PAIP2: variants seen among roughly 807,000 people sequenced by gnomAD.
The protein encoded by PAIP2 is poly(A) binding protein interacting protein 2.
Under a neutral mutation model 14.8 loss-of-function variants are expected in PAIP2, and 7 were observed. That is an observed-to-expected ratio of 0.47 (90% CI 0.27 to 0.89). The LOEUF is 0.89. Among genes scored for constraint, PAIP2 ranks in the 40% least tolerant of loss-of-function variants. The pLI, the probability that PAIP2 is intolerant of heterozygous loss-of-function variation, is 0.13. For synonymous variants in PAIP2, 47 were observed against 45.3 expected, an observed-to-expected ratio of 1.04 and a Z score of -0.15; for missense variants, 122 against 154.7, an observed-to-expected ratio of 0.79 and a Z score of 1.12.
chr5:139,359,297 C>T (rs923830797), intron 1 of PAIP2, among the ~76,000 whole-genome samples: 5 of 152,034 alleles, frequency 3.3e-5, no homozygotes, highest in South Asian at 2.1e-4. Context: ...CCATCACACC[C>T]GGCTAATTTT....
chr5:139,342,595 C>T (rs1232847313), intron 1 of PAIP2: 3 of 152,074 alleles, frequency 2.0e-5, no homozygotes, highest in Non-Finnish European at 2.9e-5. Context: ...CAGCTCATGC[C>T]CTGGAAAAAA....
intron 1 of PAIP2, among the ~76,000 whole-genome samples, chr5:139,358,684 G>C (rs1412883758): frequency 5.3e-5 from 8 of 152,178 alleles, no homozygotes; most frequent in Non-Finnish European, 1.0e-4. Context: ...CAATAAAAAG[G>C]AATGAAATGC....
intron 1 of PAIP2, among the ~76,000 whole-genome samples, chr5:139,345,560 G>A (rs1756514533): frequency 1.3e-5 from 2 of 151,848 alleles, no homozygotes; most frequent in East Asian, 1.9e-4. Context: ...AGAGTCCAAG[G>A]GAATGAGAAA....
At chr5:139,348,430 C>CT (rs1315487392) in intron 1 of PAIP2, among the ~76,000 whole-genome samples, 3 of 151,560 alleles carry the variant, frequency 2.0e-5, no homozygotes, top group African/African-American at 7.3e-5. Context: ...TCTCAGCTGA[C>CT]TGCAAGCTCT....
intron 1 of PAIP2, among the ~76,000 whole-genome samples, chr5:139,348,764 G>A (rs1390160341): frequency 6.7e-6 from 1 of 150,080 alleles, no homozygotes; most frequent in East Asian, 2.0e-4. Flanking sequence ...TGCAACCTCT[G>A]CCTCCCAGGT....
rs534957154 is a variant in PAIP2 at position 139,360,373 on chromosome 5, T to C, written c.-26-3386T>C. 2.8e-4 allele frequency among the ~76,000 whole-genome samples: 43 copies of C among 152,352 alleles called. 1 individual carries two copies. The South Asian group carries it at 8.3e-3, about 29-fold the overall frequency. ...AATAACAGATATCCATTGTCTGTTT[T>C]CTGTCTTGTCTGCTTTTACAGTGCC... On this transcript the variant is annotated intron_variant, in intron 1 of 3. Transcript: ENST00000265192.
At chr5:139,353,657 T>C (rs942537850) in intron 1 of PAIP2, among the ~76,000 whole-genome samples, 20 of 152,162 alleles carry the variant, frequency 1.3e-4, no homozygotes, top group Admixed American at 1.2e-3. Context: ...TACTACAAAA[T>C]ACATCTTTAT....
At chr5:139,356,984 T>G (rs1756935911) in intron 1 of PAIP2, among the ~76,000 whole-genome samples, 1 of 152,228 alleles carries the variant, frequency 6.6e-6, no homozygotes, top group Admixed American at 6.5e-5. Flanking sequence ...ATTGTAGTTG[T>G]CATTTTAGTG....
chr5:139,368,265 G>A (rs577895346), intron 3 of PAIP2, among the ~76,000 whole-genome samples: 19 of 152,300 alleles, frequency 1.2e-4, no homozygotes, highest in East Asian at 3.9e-4. Context: ...GTGTGAACCC[G>A]GGAGGCGGAG....
chr5:139,369,018 G>A lies in PAIP2; in HGVS notation c.*220G>A, dbSNP rs1268499486. The A allele has an allele frequency of 1.7e-5, 7 of 419,442 alleles. No homozygotes were observed. Among genetic ancestry groups the A allele is most frequent in the Admixed American group, 1.3e-4 (3 of 23,202 alleles). The allele number at this position is 419,442 out of a possible 1,614,324, so 26.0% of individuals were successfully genotyped here. A position where few individuals can be genotyped will look rare whatever the true frequency, so the allele number is the denominator to read the frequency against. Reference sequence around the variant, plus strand: ...TAGAATTGGCCCCATGGCTTGATGTGAAGACAGCAAGGAAAGAAGCACCAG... The same window carrying A: ...TAGAATTGGCCCCATGGCTTGATGTAAAGACAGCAAGGAAAGAAGCACCAG... On this transcript the variant is annotated 3_prime_UTR_variant, in exon 4 of 4. Transcript: ENST00000265192.
intron 1 of PAIP2, among the ~76,000 whole-genome samples, chr5:139,345,284 C>T (rs911539052): frequency 6.6e-6 from 1 of 152,018 alleles, no homozygotes; most frequent in African/African-American, 2.4e-5. Flanking sequence ...CGTGATCCAA[C>T]GGCCTTGGCC....
chr5:139,342,178 A>T (rs1287488872), intron 1 of PAIP2, among the ~76,000 whole-genome samples, 198 bp downstream of exon 1: 1 of 151,962 alleles, frequency 6.6e-6, no homozygotes, highest in Admixed American at 6.6e-5. Context: ...TCTCCGAGAC[A>T]TGGCCGTCGC....
chr5:139,367,397 T>C (rs534871649), intron 3 of PAIP2: 1 of 152,290 alleles, frequency 6.6e-6, no homozygotes, highest in South Asian at 2.1e-4. Flanking sequence ...ACAAGTCTAC[T>C]TAGGAGAGTA....
At chr5:139,368,373 C>CA (rs1279100401) in intron 3 of PAIP2, among the ~76,000 whole-genome samples, 1 of 150,972 alleles carries the variant, frequency 6.6e-6, no homozygotes, top group Non-Finnish European at 1.5e-5. Context: ...AATAAAAATA[C>CA]AAAAAATTAG....
chr5:139,355,118 A>G (rs1029388715), intron 1 of PAIP2, among the ~76,000 whole-genome samples: 23 of 144,750 alleles, frequency 1.6e-4, no homozygotes, highest in African/African-American at 5.9e-4. Flanking sequence ...GAGCCACCGC[A>G]CCTGGCCCAG....
At chr5:139,354,900 A>T (rs1447630137) in intron 1 of PAIP2, among the ~76,000 whole-genome samples, 1 of 148,852 alleles carries the variant, frequency 6.7e-6, no homozygotes, top group Non-Finnish European at 1.5e-5. Context: ...AGCTCACTAC[A>T]GCCTCCACCT....
rs1243937250 is a variant in PAIP2 at position 139,369,297 on chromosome 5, A to G, written c.*499A>G. On this transcript the variant is annotated 3_prime_UTR_variant, in exon 4 of 4. Transcript: ENST00000265192. ...AGTATGTCATATTACTGAGGCTACAAGTTAGTCAGCAGATGAGTGCCAGTC... is the reference window on the plus strand; with the variant it reads ...AGTATGTCATATTACTGAGGCTACAGGTTAGTCAGCAGATGAGTGCCAGTC... The G allele has an allele frequency of 1.3e-5, 2 of 153,114 alleles. No individual in the cohort carries two copies. The highest frequency in any genetic ancestry group is 4.8e-5 in the African/African-American group (2 of 41,474). The allele number at this position is 153,114 out of a possible 1,614,324, so 9.5% of individuals were successfully genotyped here. A position where few individuals can be genotyped will look rare whatever the true frequency, so the allele number is the denominator to read the frequency against.
intron 2 of PAIP2, 126 bp downstream of exon 2, chr5:139,364,048 CTGTT>C (rs1757148838): frequency 1.3e-6 from 1 of 783,738 alleles, no homozygotes; most frequent in South Asian, 1.8e-5. Flanking sequence ...GCCACCACTC[CTGTT>C]TATTTGGCTG....
At chr5:139,346,884 A>G (rs1345818427) in intron 1 of PAIP2, among the ~76,000 whole-genome samples, 1 of 151,298 alleles carries the variant, frequency 6.6e-6, no homozygotes, top group East Asian at 1.9e-4. Flanking sequence ...ATCTCAGCTC[A>G]CTGCAACCTC....
Sources: allele counts gnomAD v4.1 joint callset (sites outside exome capture counted in the v4.1 genomes callset), GRCh38; gene constraint gnomAD v4.1.1; transcripts MANE v1.5; gene names NCBI Gene and HGNC (gene_info 2026-07-23, HGNC 2026-07-21).